C7orf78: variants seen among roughly 807,000 people sequenced by gnomAD.
C7orf78 encodes putative uncharacterized protein C7orf78.
At chr7:12,504,793 T>C in the C7orf78 span, among the ~76,000 whole-genome samples, 2 of 152,156 alleles carry the variant, frequency 1.3e-5, no homozygotes, top group African/African-American at 4.8e-5. Context: ...TTTCCCTTTA[T>C]ACAAGTTTAC....
At chr7:12,523,974 G>GTGAATA in the C7orf78 span, among the ~76,000 whole-genome samples, 30 of 152,130 alleles carry the variant, frequency 2.0e-4, no homozygotes, top group African/African-American at 6.5e-4. Flanking sequence ...CCACTAAAAT[G>GTGAATA]TGAATATATT....
the C7orf78 span, among the ~76,000 whole-genome samples, chr7:12,532,386 G>A: frequency 9.2e-5 from 14 of 151,846 alleles, no homozygotes; most frequent in African/African-American, 2.9e-4. Flanking sequence ...TGTCTCTACT[G>A]AAAATACAAA....
At chr7:12,531,518 T>G in the C7orf78 span, among the ~76,000 whole-genome samples, 1 of 152,176 alleles carries the variant, frequency 6.6e-6, no homozygotes, top group Non-Finnish European at 1.5e-5. Flanking sequence ...TTTCTCAGGT[T>G]TTTGGAGAAT....
chr7:12,501,151 T>C, the C7orf78 span, among the ~76,000 whole-genome samples: 1 of 135,894 alleles, frequency 7.4e-6, no homozygotes, highest in Non-Finnish European at 1.6e-5. Context: ...ACTGGAAGCA[T>C]TCCCTTTGAA....
At chr7:12,524,875 A>G in the C7orf78 span, among the ~76,000 whole-genome samples, 3 of 152,078 alleles carry the variant, frequency 2.0e-5, no homozygotes, top group East Asian at 5.8e-4. Context: ...AGACTTAAAA[A>G]CTTGAGTAAA....
chr7:12,489,636 G>A, the C7orf78 span, among the ~76,000 whole-genome samples: 5 of 152,180 alleles, frequency 3.3e-5, no homozygotes, highest in East Asian at 3.9e-4. Flanking sequence ...ATCTAGAAGC[G>A]GGAATGCCTT....
At chr7:12,534,394 T>C in the C7orf78 span, among the ~76,000 whole-genome samples, 1 of 152,086 alleles carries the variant, frequency 6.6e-6, no homozygotes, top group Non-Finnish European at 1.5e-5. Flanking sequence ...AAGAAAACAA[T>C]AACCTTTCTG....
At chr7:12,497,456 G>A in the C7orf78 span, among the ~76,000 whole-genome samples, 1 of 116,256 alleles carries the variant, frequency 8.6e-6, no homozygotes, top group Admixed American at 9.6e-5. Context: ...ATCAAAGAAA[G>A]GGGTGACGGA....
the C7orf78 span, among the ~76,000 whole-genome samples, chr7:12,501,556 A>C: frequency 4.9e-5 from 7 of 143,826 alleles, no homozygotes; most frequent in African/African-American, 1.8e-4. Context: ...GGAGAACTAC[A>C]AACCACTGCT....
the C7orf78 span, among the ~76,000 whole-genome samples, chr7:12,496,807 A>T: frequency 4.6e-5 from 7 of 152,256 alleles, no homozygotes; most frequent in Admixed American, 1.3e-4. Flanking sequence ...ACAATGAGGC[A>T]TAAATCAGAT....
At chr7:12,506,390 C>T in the C7orf78 span, among the ~76,000 whole-genome samples, 1 of 152,124 alleles carries the variant, frequency 6.6e-6, no homozygotes, top group South Asian at 2.1e-4. Flanking sequence ...TGGAACCAAC[C>T]CACTTGTCCA....
chr7:12,514,219 TG>T, the C7orf78 span, among the ~76,000 whole-genome samples: 7 of 152,136 alleles, frequency 4.6e-5, no homozygotes, highest in African/African-American at 1.7e-4. Flanking sequence ...TTTATAGATC[TG>T]GGTGCTCCAG....
the C7orf78 span, among the ~76,000 whole-genome samples, chr7:12,524,952 T>C: frequency 2.7e-5 from 4 of 147,538 alleles, no homozygotes; most frequent in African/African-American, 7.3e-5. Flanking sequence ...AATGACTGAA[T>C]TGGAGGCAGA....
At chr7:12,510,274 C>T in the C7orf78 span, among the ~76,000 whole-genome samples, 2 of 151,942 alleles carry the variant, frequency 1.3e-5, no homozygotes, top group Admixed American at 6.6e-5. Context: ...GCCCCAAACT[C>T]CCCAGACTCA....
At chr7:12,498,686 C>T in the C7orf78 span, among the ~76,000 whole-genome samples, 1 of 151,760 alleles carries the variant, frequency 6.6e-6, no homozygotes, top group Non-Finnish European at 1.5e-5. Flanking sequence ...GAGAATTTCC[C>T]CAATCTAGCA....
the C7orf78 span, among the ~76,000 whole-genome samples, chr7:12,493,022 G>T: frequency 1.4e-4 from 21 of 152,162 alleles, no homozygotes; most frequent in African/African-American, 4.8e-4. Flanking sequence ...GGGTCACATG[G>T]CAAAAAACCA....
At chr7:12,541,184 T>C in the C7orf78 span, 1 of 152,202 alleles carries the variant, frequency 6.6e-6, no homozygotes, top group Non-Finnish European at 1.5e-5. Context: ...CAACTATGAG[T>C]GGAAATGCTG....
the C7orf78 span, chr7:12,483,619 C>T: frequency 2.6e-5 from 4 of 151,650 alleles, no homozygotes; most frequent in African/African-American, 9.7e-5. Flanking sequence ...CCTGTAATCC[C>T]AGCCCTTTGG....
chr7:12,511,804 T>C, the C7orf78 span, among the ~76,000 whole-genome samples: 1 of 151,928 alleles, frequency 6.6e-6, no homozygotes, highest in Non-Finnish European at 1.5e-5. Context: ...CAGGCTGGAG[T>C]GCAGTGGCAC....
Sources: allele counts gnomAD v4.1 joint callset (sites outside exome capture counted in the v4.1 genomes callset), GRCh38; gene constraint gnomAD v4.1.1; transcripts MANE v1.5; gene names NCBI Gene and HGNC (gene_info 2026-07-23, HGNC 2026-07-21).